The following PDE12 variants were observed in gnomAD, a reference collection of about 807,000 sequenced individuals.
PDE12 encodes the protein 2',5'-phosphodiesterase 12.
A neutral mutation model predicts 45.4 loss-of-function variants in PDE12; 26 were observed. The ratio of observed to expected loss-of-function variants is 0.57; its 90% confidence interval spans 0.42 to 0.79. The LOEUF (loss-of-function observed/expected upper bound fraction) is 0.79. PDE12 is among the 30% of genes least tolerant of loss of function. The pLI is 0.00. For missense variants in PDE12, 668 were observed against 790.0 expected (o/e 0.85, Z 1.85); for synonymous variants, 283 against 323.9 (o/e 0.87, Z 1.36).
At chr3:57,568,068 C>CAAAAAAAAAA (rs11360766), downstream of PDE12, among the ~76,000 whole-genome samples, 1 of 47,534 alleles carries the variant, frequency 2.1e-5, no homozygotes, top group African/African-American at 9.9e-5. Context: ...GACTCCATCT[C>CAAAAAAAAAA]AAAAAAAAAA....
the PDE12 span, among the ~76,000 whole-genome samples, chr3:57,621,254 GTGC>G: frequency 6.6e-6 from 1 of 152,184 alleles, no homozygotes; most frequent in East Asian, 1.9e-4. Context: ...TCAACAAATG[GTGC>G]TGGGACAATT....
chr3:57,576,838 C>T, the PDE12 span, among the ~76,000 whole-genome samples: 1 of 152,026 alleles, frequency 6.6e-6, no homozygotes, highest in Non-Finnish European at 1.5e-5. Flanking sequence ...ATTCCTTATC[C>T]TTAAATGGTT....
chr3:57,633,274 G>A, the PDE12 span: 1 of 1,612,598 alleles, frequency 6.2e-7, no homozygotes, highest in Admixed American at 1.7e-5. Context: ...CTAATGGAAT[G>A]ATGAAACTTT....
the PDE12 span, among the ~76,000 whole-genome samples, chr3:57,632,906 A>G: frequency 1.3e-5 from 2 of 152,266 alleles, no homozygotes; most frequent in African/African-American, 2.4e-5. Context: ...AGTATCAGAA[A>G]GAAGCTCTAC....
downstream of PDE12, among the ~76,000 whole-genome samples, chr3:57,568,583 C>CT (rs764411740): frequency 0.015 from 2,114 of 136,624 alleles, 45 homozygotes; most frequent in African/African-American, 0.046. Context: ...AGATACACTT[C>CT]TTTTTTTTTT....
At chr3:57,617,329 G>A in the PDE12 span, among the ~76,000 whole-genome samples, 23 of 151,728 alleles carry the variant, frequency 1.5e-4, no homozygotes, top group African/African-American at 2.4e-4. Context: ...GCTTAAGCCC[G>A]GGAGGTCAAG....
At chr3:57,616,485 A>T in the PDE12 span, among the ~76,000 whole-genome samples, 1 of 137,556 alleles carries the variant, frequency 7.3e-6, no homozygotes, top group Non-Finnish European at 1.7e-5. Context: ...AAGAAGAAAG[A>T]AGGAGGAAGA....
chr3:57,616,639 CTTTT>C, the PDE12 span, among the ~76,000 whole-genome samples: 1 of 152,192 alleles, frequency 6.6e-6, no homozygotes, highest in African/African-American at 2.4e-5. Context: ...TTCTACCAGA[CTTTT>C]AAGGAAGACA....
At chr3:57,635,891 T>C in the PDE12 span, among the ~76,000 whole-genome samples, 1 of 152,166 alleles carries the variant, frequency 6.6e-6, no homozygotes, top group Non-Finnish European at 1.5e-5. Context: ...CCTCTTCCTC[T>C]TCAACCTACT....
chr3:57,625,867 C>CAAAATAGACTTGA, the PDE12 span: 1 of 152,450 alleles, frequency 6.6e-6, no homozygotes, highest in South Asian at 2.1e-4. Context: ...TTTAGCTGTG[C>CAAAATAGACTTGA]AAAATAGACT....
the PDE12 span, among the ~76,000 whole-genome samples, chr3:57,636,891 T>G: frequency 6.8e-6 from 1 of 147,356 alleles, no homozygotes; most frequent in African/African-American, 2.5e-5. Context: ...AAGCCGAGAT[T>G]GTGTCACTAC....
chr3:57,635,630 A>T, the PDE12 span, among the ~76,000 whole-genome samples: 3 of 152,238 alleles, frequency 2.0e-5, no homozygotes, highest in Non-Finnish European at 4.4e-5. Flanking sequence ...TTAAATAGTT[A>T]CATAGATCAA....
the PDE12 span, chr3:57,654,673 T>C: frequency 1.0e-6 from 1 of 985,232 alleles, no homozygotes; most frequent in Non-Finnish European, 1.2e-6. Context: ...ATGAGGAAAC[T>C]ATTTCTGTGA....
the PDE12 span, chr3:57,641,783 G>A: frequency 7.1e-6 from 11 of 1,542,864 alleles, no homozygotes; most frequent in East Asian, 2.3e-4. Context: ...TAAAAAAGGT[G>A]AGAAAAAGAT....
chr3:57,654,990 A>C, the PDE12 span: 1 of 225,166 alleles, frequency 4.4e-6, no homozygotes, highest in African/African-American at 2.3e-5. Flanking sequence ...TCACTGTGTG[A>C]GATTATTTTT....
At chr3:57,641,608 A>G in the PDE12 span, 1 of 1,503,094 alleles carries the variant, frequency 6.7e-7, no homozygotes, top group Non-Finnish European at 9.0e-7. Flanking sequence ...AAACCTGTTC[A>G]GCAACACTGC....
rs1318913191 is a variant in PDE12 at position 57,560,752 on chromosome 3, G to A, written c.*748G>A. On this transcript the variant is annotated 3_prime_UTR_variant, in exon 3 of 3. Coordinates refer to ENST00000311180, the MANE Select transcript of PDE12 (RefSeq NM_177966.7). The stretch of plus-strand genomic sequence containing the variant: ...AAAATGAATCATGCTTATGTACTAA[G>A]AGGGAAAATGTATTTAAGTTAAGGG... The A allele has an allele frequency of 2.0e-6, 2 of 985,314 alleles. No homozygotes were observed. Among genetic ancestry groups the A allele is most frequent in the African/African-American group, 3.5e-5 (2 of 57,218 alleles). The allele number at this position is 985,314 out of a possible 1,614,324, so 61.0% of individuals were successfully genotyped here. A position where few individuals can be genotyped will look rare whatever the true frequency, so the allele number is the denominator to read the frequency against.
At chr3:57,618,600 C>T in the PDE12 span, among the ~76,000 whole-genome samples, 99,693 of 136,128 alleles carry the variant, frequency 0.73, 38,771 homozygotes, top group East Asian at 1. Flanking sequence ...TTTTAGTTTG[C>T]TTTTGTGTTT....
chr3:57,614,685 C>T, the PDE12 span, among the ~76,000 whole-genome samples: 1 of 150,520 alleles, frequency 6.6e-6, no homozygotes, highest in Non-Finnish European at 1.5e-5. Flanking sequence ...CTGAGACTTA[C>T]AGGCGCCTGC....
Sources: gnomAD v4.1 joint callset for allele counts (sites outside exome capture counted in the v4.1 genomes callset) on GRCh38, gnomAD v4.1.1 for gene constraint, MANE v1.5 for transcripts, NCBI Gene and HGNC (gene_info 2026-07-23, HGNC 2026-07-21) for gene names.